The following SPAG16 variants were observed in gnomAD, a reference collection of about 807,000 sequenced individuals.
The protein encoded by SPAG16 is sperm-associated antigen 16 protein.
In SPAG16, 86 loss-of-function variants were observed where a neutral mutation model predicts 80.4. That is an observed-to-expected ratio of 1.07 (90% CI 0.90 to 1.28). The LOEUF is 1.28. Among genes scored for constraint, SPAG16 ranks in the 50% most tolerant of loss-of-function variants. The pLI, the probability that SPAG16 is intolerant of heterozygous loss-of-function variation, is 0.00. For missense variants in SPAG16, 870 were observed against 765.3 expected, an observed-to-expected ratio of 1.14 and a Z score of -1.61; for synonymous variants, 294 against 265.9, an observed-to-expected ratio of 1.11 and a Z score of -1.03.
intron 13 of SPAG16, among the ~76,000 whole-genome samples, chr2:214,101,434 A>G (rs1474697293): frequency 1.3e-5 from 2 of 151,936 alleles, no homozygotes; most frequent in Non-Finnish European, 2.9e-5. Flanking sequence ...TGCCAGAGGG[A>G]AAAGGGACTC....
In SPAG16 at chr2:213,563,025, G is replaced by A. The variant is rs570391348; in HGVS notation, c.1070+72935G>A. Among the ~76,000 whole-genome samples, 5 of 152,274 alleles carry A rather than the reference G, an allele frequency of 3.3e-5. No individual in the cohort carries two copies. The South Asian group carries it at 6.2e-4, about 19-fold the overall frequency. ...TTTCAACATAGGAATTTGGCATGGC[G>A]GGGGAACACAGACATTTCAACCATA... On this transcript the variant is annotated intron_variant, in intron 10 of 15. Coordinates refer to ENST00000331683, the MANE Select transcript of SPAG16 (RefSeq NM_024532.5).
chr2:214,131,116 A>G (rs1424938418), intron 14 of SPAG16, among the ~76,000 whole-genome samples: 2 of 152,164 alleles, frequency 1.3e-5, no homozygotes, highest in African/African-American at 2.4e-5. Flanking sequence ...GTAAAGATCT[A>G]GTCCTTTTTC....
At position 213,825,416 on chromosome 2, in the gene SPAG16, T is replaced by A. The variant is rs1304577913; in HGVS notation, c.1071-37069T>A. 3.9e-5 allele frequency among the ~76,000 whole-genome samples: 6 copies of A among 152,080 alleles called. No individual in the cohort carries two copies. In the South Asian group the frequency reaches 8.3e-4, roughly 21 times the overall value. Reference sequence around the variant, plus strand: ...ATGTTCCTTCTATTCCCAGTTTTTTTAAGATTTTTGTCATGAAGAGATGTT... The same window carrying A: ...ATGTTCCTTCTATTCCCAGTTTTTTAAAGATTTTTGTCATGAAGAGATGTT... On this transcript the variant is annotated intron_variant, in intron 10 of 15. Transcript: ENST00000331683.
In SPAG16 at chr2:213,382,328, A is replaced by T. The variant is rs144342847; in HGVS notation, c.942+7209A>T. 1.7e-4 allele frequency among the ~76,000 whole-genome samples: 26 copies of T among 152,304 alleles called. 1 individual carries two copies. The highest frequency in any genetic ancestry group is 6.3e-4 in the African/African-American group (26 of 41,558). Reference sequence around the variant, plus strand: ...GTTTACTTAGTTGCTTGGTGTTATAAGTCCTCAGTATCTGTCAGAGCTCAT... The same window carrying T: ...GTTTACTTAGTTGCTTGGTGTTATATGTCCTCAGTATCTGTCAGAGCTCAT... On this transcript the variant is annotated intron_variant, in intron 9 of 15. Coordinates refer to ENST00000331683, the MANE Select transcript of SPAG16 (RefSeq NM_024532.5).
chr2:214,036,525 T>A (rs902534583), intron 13 of SPAG16, among the ~76,000 whole-genome samples: 25 of 152,246 alleles, frequency 1.6e-4, no homozygotes, highest in African/African-American at 5.1e-4. Context: ...CTCACCTGTC[T>A]CTATTTAGCT....
intron 12 of SPAG16, among the ~76,000 whole-genome samples, chr2:213,998,131 T>C (rs1026117228): frequency 6.6e-6 from 1 of 152,214 alleles, no homozygotes; most frequent in Non-Finnish European, 1.5e-5. Flanking sequence ...CACGTAAATC[T>C]CAGCAAGTAT....
At chr2:214,221,939 G>GA (rs902555635) in intron 15 of SPAG16, among the ~76,000 whole-genome samples, 19 of 150,522 alleles carry the variant, frequency 1.3e-4, no homozygotes, top group South Asian at 8.4e-4. Flanking sequence ...ACTGCCAATT[G>GA]AAAAAAAACA....
At chr2:214,073,264 G>T (rs1362728594) in intron 13 of SPAG16, among the ~76,000 whole-genome samples, 2 of 147,276 alleles carry the variant, frequency 1.4e-5, no homozygotes, top group East Asian at 2.0e-4. Flanking sequence ...TTGAGACAGA[G>T]TCTTGCTCTA....
At chr2:213,324,345 C>T (rs921991520) in intron 5 of SPAG16, among the ~76,000 whole-genome samples, 9 of 152,018 alleles carry the variant, frequency 5.9e-5, no homozygotes, top group African/African-American at 9.7e-5. Context: ...TTTTGGCAAA[C>T]GGATAAACTC....
intron 15 of SPAG16, among the ~76,000 whole-genome samples, chr2:214,317,875 G>A (rs1461926892): frequency 6.6e-6 from 1 of 152,116 alleles, no homozygotes; most frequent in Non-Finnish European, 1.5e-5. Flanking sequence ...TAAACCGATC[G>A]TGGTCTAGAA....
chr2:213,789,719 G>T (rs536033496), intron 10 of SPAG16, among the ~76,000 whole-genome samples: 1 of 151,912 alleles, frequency 6.6e-6, no homozygotes, highest in South Asian at 2.1e-4. Flanking sequence ...TACTTTGTCC[G>T]TAAGCTCTAT....
intron 10 of SPAG16, among the ~76,000 whole-genome samples, chr2:213,592,660 T>G (rs2060741497): frequency 6.6e-6 from 1 of 152,194 alleles, no homozygotes; most frequent in Admixed American, 6.5e-5. Flanking sequence ...CAGGAACATC[T>G]TCATTTGAAG....
rs1334693164 is a variant in SPAG16, at chr2:213,694,054, AG to A, written c.1071-168430del. Among the ~76,000 whole-genome samples, 260 of 151,434 alleles carry A rather than the reference AG, an allele frequency of 1.7e-3. 3 individuals are homozygous for A. The highest frequency in any genetic ancestry group is 6.0e-3 in the African/African-American group (246 of 41,084). On this transcript the variant is annotated intron_variant, in intron 10 of 15. Transcript: ENST00000331683. ...GCTTTATGCAAGACAAAAAAAAAAA[AG>A]AAAAAAGAGAGGGAGAGAAAGAAGA...
intron 15 of SPAG16, among the ~76,000 whole-genome samples, chr2:214,261,609 G>T (rs1349617543): frequency 1.3e-5 from 2 of 152,060 alleles, no homozygotes. Context: ...ACACACATTT[G>T]CCCTTTATAC....
intron 10 of SPAG16, among the ~76,000 whole-genome samples, chr2:213,745,653 A>G (rs1553621945): frequency 1.3e-5 from 2 of 152,212 alleles, no homozygotes. Flanking sequence ...TATATTTAAA[A>G]ATAGCTTTGA....
At chr2:213,573,492 T>C (rs1363702092) in intron 10 of SPAG16, among the ~76,000 whole-genome samples, 1 of 152,226 alleles carries the variant, frequency 6.6e-6, no homozygotes, top group African/African-American at 2.4e-5. Context: ...GTTTGCATTC[T>C]ACATATAATT....
intron 11 of SPAG16, among the ~76,000 whole-genome samples, chr2:213,926,306 T>C (rs1441040688): frequency 6.6e-6 from 1 of 152,142 alleles, no homozygotes; most frequent in Non-Finnish European, 1.5e-5. Flanking sequence ...AGTTCTTTAG[T>C]GGTGATTTCT....
At chr2:213,407,986 GGAGAGAGGCAGAGAGAGAC>G (rs1439671906) in intron 9 of SPAG16, among the ~76,000 whole-genome samples, 17 of 135,734 alleles carry the variant, frequency 1.3e-4, no homozygotes, top group South Asian at 7.9e-4. Flanking sequence ...GAGAGAGAGA[GGAGAGAGGCAGAGAGAGAC>G]AGGAGAGAGG....
chr2:213,584,611 G>C (rs2060404089), intron 10 of SPAG16, among the ~76,000 whole-genome samples: 1 of 151,778 alleles, frequency 6.6e-6, no homozygotes, highest in South Asian at 2.1e-4. Context: ...AGGAAGGAAA[G>C]AAGGAAGGAG....
Sources: gnomAD v4.1 joint callset for allele counts (sites outside exome capture counted in the v4.1 genomes callset) on GRCh38, gnomAD v4.1.1 for gene constraint, MANE v1.5 for transcripts, NCBI Gene and HGNC (gene_info 2026-07-23, HGNC 2026-07-21) for gene names.